The following CCDC88A variants were observed in gnomAD, a reference collection of about 807,000 sequenced individuals.
The protein encoded by CCDC88A is girdin.
Under a neutral mutation model 234.3 loss-of-function variants are expected in CCDC88A, and 54 were observed. That is an observed-to-expected ratio of 0.23 (90% confidence interval 0.19 to 0.29). CCDC88A has a LOEUF of 0.29. Ranked by LOEUF, CCDC88A falls within the 10% of genes least tolerant of loss-of-function variation. The pLI, the probability that CCDC88A is intolerant of heterozygous loss-of-function variation, is 1.00. For missense variants in CCDC88A, 1,832 were observed against 2,123.4 expected (o/e 0.86, Z 2.70); for synonymous variants, 753 against 737.8 (o/e 1.02, Z -0.33).
At chr2:55,304,366 TA>T (rs1298921256) in intron 25 of CCDC88A, among the ~76,000 whole-genome samples, 1 of 152,114 alleles carries the variant, frequency 6.6e-6, no homozygotes, top group Non-Finnish European at 1.5e-5. Context: ...GTAAAGAAAA[TA>T]AATTCCTTCT....
chr2:55,389,852 C>A (rs1676312683), intron 2 of CCDC88A, among the ~76,000 whole-genome samples: 1 of 151,448 alleles, frequency 6.6e-6, no homozygotes, highest in Non-Finnish European at 1.5e-5. Flanking sequence ...ACCAGCCTGG[C>A]CAACATGGTG....
chr2:55,344,502 C>G lies in CCDC88A; in HGVS notation c.1054G>C (p.Asp352His), dbSNP rs1668860526. The G allele has an allele frequency of 6.5e-7, 1 of 1,539,878 alleles. No individual in the cohort carries two copies. Among genetic ancestry groups the G allele is most frequent in the African/African-American group, 1.4e-5 (1 of 72,364 alleles). Reference sequence around the variant, plus strand: ...TTTGTTTCTAATAAAACTTGATTGTCTTCTTTTAATTCCTATAAATGTTTA... The same window carrying G: ...TTTGTTTCTAATAAAACTTGATTGTGTTCTTTTAATTCCTATAAATGTTTA... ...YKARVEELKE[D>H]NQVLLETKTM... is the part of the protein sequence containing the mutation. Residue 352 changes from aspartate (D) to histidine (H), a missense_variant, in exon 11 of 33, where the codon GAC (aspartate) becomes CAC (histidine). This residue lies in a region of CCDC88A where 1,282 missense variants were observed against 1,543.6 expected (regional missense o/e 0.83). Transcript: ENST00000436346.
At chr2:55,331,788 T>C (rs900717016) in intron 16 of CCDC88A, 4 of 152,206 alleles carry the variant, frequency 2.6e-5, no homozygotes, top group Admixed American at 6.5e-5. Flanking sequence ...TTTAAGGCTT[T>C]AGTTTTCCAC....
At chr2:55,312,736 C>T (rs1006614604) in intron 22 of CCDC88A, 157 bp from the exon 23 acceptor site, 3 of 563,694 alleles carry the variant, frequency 5.3e-6, no homozygotes, top group Non-Finnish European at 9.4e-6. Flanking sequence ...AGTGATGACA[C>T]CTACAGCACT....
Position 55,380,931 on chromosome 2 carries a change from T to G in CCDC88A, c.274-6048A>C, listed in dbSNP as rs1036289128. ...GGGCCCAGCCAACCACAGTTTTTAG[T>G]TGACCATCTAAAACCCCTTTTTATT... On this transcript the variant is annotated intron_variant, in intron 3 of 32. Coordinates refer to ENST00000436346, the MANE Select transcript of CCDC88A (RefSeq NM_001365480.1). Among the ~76,000 whole-genome samples, 6 of 152,200 alleles carry G rather than the reference T, an allele frequency of 3.9e-5. No homozygotes were observed. The South Asian group carries it at 1.2e-3, about 32-fold the overall frequency.
chr2:55,357,397 CCTCT>C (rs1165178629), intron 7 of CCDC88A, among the ~76,000 whole-genome samples: 2 of 150,652 alleles, frequency 1.3e-5, no homozygotes, highest in Admixed American at 6.6e-5. Context: ...TCCTCTCTCT[CCTCT>C]CTCTCTTTCT....
chr2:55,361,743 G>GAC (rs1173217335), intron 7 of CCDC88A, among the ~76,000 whole-genome samples: 4 of 152,192 alleles, frequency 2.6e-5, no homozygotes, highest in Admixed American at 2.6e-4. Context: ...ACTGCTTTCA[G>GAC]ACAGTGCAGA....
At chr2:55,387,779 CAAAAAA>C (rs66479611) in intron 3 of CCDC88A, among the ~76,000 whole-genome samples, 4 of 64,852 alleles carry the variant, frequency 6.2e-5, no homozygotes, top group African/African-American at 2.2e-4. Flanking sequence ...GGCTCCATCT[CAAAAAA>C]AAAAAAAAAA....
intron 29 of CCDC88A, among the ~76,000 whole-genome samples, chr2:55,297,953 T>C (rs1680395803): frequency 6.6e-6 from 1 of 152,170 alleles, no homozygotes; most frequent in Non-Finnish European, 1.5e-5. Flanking sequence ...TACAATCAAA[T>C]ATGTAGTGCT....
At position 55,389,348 on chromosome 2, in the gene CCDC88A, T is replaced by C. The variant is rs1018365424; in HGVS notation, c.165-462A>G. On this transcript the variant is annotated intron_variant, in intron 2 of 32. Transcript: ENST00000436346. The stretch of plus-strand genomic sequence containing the variant: ...AGTGGATGACACAGGTTAGTACTTT[T>C]ATTTTGGGTAAAATTGTAGATTCAA... Among the ~76,000 whole-genome samples, 17 of 152,226 alleles carry C rather than the reference T, an allele frequency of 1.1e-4. 2 individuals are homozygous for C. Among genetic ancestry groups the C allele is most frequent in the Admixed American group, 9.2e-4 (14 of 15,292 alleles).
At chr2:55,321,405 G>T (rs1228273573) in intron 18 of CCDC88A, among the ~76,000 whole-genome samples, 4 of 151,956 alleles carry the variant, frequency 2.6e-5, no homozygotes, top group South Asian at 2.1e-4. Context: ...CAAAAAATTA[G>T]CCAGGCGTGG....
chr2:55,326,145 ATCTGTACTTTCT>A (rs1684230655), intron 17 of CCDC88A, among the ~76,000 whole-genome samples: 1 of 149,374 alleles, frequency 6.7e-6, no homozygotes, highest in Admixed American at 6.7e-5. Flanking sequence ...TATTTGTCCA[ATCTGTACTTTCT>A]TCCCTGTTTC....
intron 3 of CCDC88A, among the ~76,000 whole-genome samples, chr2:55,377,717 C>G (rs1243471250): frequency 6.6e-6 from 1 of 152,128 alleles, no homozygotes; most frequent in Non-Finnish European, 1.5e-5. Context: ...TCAAGAGATT[C>G]TCCTGTTTAG....
chr2:55,291,906 C>G, intron 31 of CCDC88A, 131 bp from the exon 32 acceptor site: 1 of 569,072 alleles, frequency 1.8e-6, no homozygotes, highest in Non-Finnish European at 3.1e-6. Context: ...AATTATTAAT[C>G]TCATAGGCAT....
At chr2:55,315,756 T>C (rs1029434558) in intron 22 of CCDC88A, among the ~76,000 whole-genome samples, 172 bp downstream of exon 22, 5 of 152,214 alleles carry the variant, frequency 3.3e-5, no homozygotes, top group African/African-American at 1.2e-4. Context: ...TAATTAATGA[T>C]ATGGGAAGTT....
At position 55,295,738 on chromosome 2, in the gene CCDC88A, G is replaced by A. The variant is rs765138609; in HGVS notation, c.5410C>T (p.Arg1804Cys). Residue 1804 changes from arginine to cysteine, a missense_variant, in exon 31 of 33, where the codon CGT (arginine) becomes TGT (cysteine). Arg to Cys is a radical substitution (Grantham distance 180). This residue lies in a region of CCDC88A where 422 missense variants were observed against 416.5 expected (regional missense o/e 1.01). Coordinates refer to ENST00000436346, the MANE Select transcript of CCDC88A (RefSeq NM_001365480.1). ...GCAGTTGAGATCACGCTGCTTGCAC[G>A]AGGTAAAGTTGCATAAGGGTTACTA... ...KDSNPYATLP[R>C]ASSVISTAEG... The A allele has an allele frequency of 1.2e-6, 2 of 1,614,180 alleles. No homozygotes were observed. The highest frequency in any genetic ancestry group is 1.7e-6 in the Non-Finnish European group (2 of 1,180,028).
rs1369721979 is a variant in CCDC88A, at chr2:55,309,118, G to T, written c.4172+44C>A. 3 of 1,424,382 alleles carry T rather than the reference G, an allele frequency of 2.1e-6. No homozygotes were observed. Among genetic ancestry groups the T allele is most frequent in the Non-Finnish European group, 2.0e-6 (2 of 1,019,884 alleles). 88.2% of individuals were successfully genotyped at this position (1,424,382 alleles called of 1,614,324 possible). A position where few individuals can be genotyped will look rare whatever the true frequency, so the allele number is the denominator to read the frequency against. On this transcript the variant is annotated intron_variant, in intron 24 of 32. Transcript: ENST00000436346. The surrounding 1 kb of genome is among the most constrained non-coding windows in gnomAD (Gnocchi z 5.1). ...ATCACAATATTAGAAATAACCTAGT[G>T]TTTTTTTTCAGAATAAGAATTCATA...
At chr2:55,397,820 T>G (rs1677878503) in intron 2 of CCDC88A, among the ~76,000 whole-genome samples, 1 of 152,196 alleles carries the variant, frequency 6.6e-6, no homozygotes, top group Admixed American at 6.5e-5. Flanking sequence ...TAGCAAGTTT[T>G]CAGAATTTAG....
chr2:55,355,581 T>G lies in CCDC88A; in HGVS notation c.798A>C (p.Glu266Asp), dbSNP rs779172477. Residue 266 changes from glutamate to aspartate, a missense_variant and splice_region_variant, in exon 8 of 33, where the codon GAA (glutamate) becomes GAC (aspartate). Physicochemically the swap from Glu to Asp is conservative, Grantham distance 45. Around this residue, in one of 6 missense-constraint regions of CCDC88A, gnomAD observed 1,282 missense variants for 1,543.6 expected, o/e 0.83. Coordinates refer to ENST00000436346, the MANE Select transcript of CCDC88A (RefSeq NM_001365480.1). ...AKAKIRRLRQ[E>D]LEEKTEQLLD... The stretch of plus-strand genomic sequence containing the variant: ...AACCTCAAAAATCAGCAACTTACAA[T>G]TCCTGCCTAAGCCTTCTTATCTTGG... The G allele has an allele frequency of 6.2e-7, 1 of 1,613,828 alleles. No individual in the cohort carries two copies. Among genetic ancestry groups the G allele is most frequent in the East Asian group, 2.2e-5 (1 of 44,884 alleles).
Sources: allele counts gnomAD v4.1 joint callset (sites outside exome capture counted in the v4.1 genomes callset), GRCh38; gene constraint gnomAD v4.1.1; regional missense constraint gnomAD v4.1.1; non-coding constraint Gnocchi (gnomAD v3.1); transcripts MANE v1.5; gene names NCBI Gene and HGNC (gene_info 2026-07-23, HGNC 2026-07-21).